The following CTNNA1 variants were observed in gnomAD, a reference collection of about 807,000 sequenced individuals.
CTNNA1 encodes catenin alpha-1.
Under a neutral mutation model 98.4 loss-of-function variants are expected in CTNNA1, and 37 were observed. The observed-to-expected ratio is 0.38, with a 90% CI of 0.29 to 0.49. The LOEUF (loss-of-function observed/expected upper bound fraction) is 0.49. Among genes scored for constraint, CTNNA1 ranks in the 20% least tolerant of loss-of-function variants. CTNNA1 has a pLI of 0.95. For missense variants in CTNNA1, 761 were observed against 1,147.2 expected, an observed-to-expected ratio of 0.66 and a Z score of 4.86; for synonymous variants, 404 against 413.2, an observed-to-expected ratio of 0.98 and a Z score of 0.27.
intron 7 of CTNNA1, among the ~76,000 whole-genome samples, chr5:138,868,190 A>C (rs1021405129): frequency 6.6e-6 from 1 of 152,252 alleles, no homozygotes; most frequent in Non-Finnish European, 1.5e-5. Context: ...CTGACCGTTT[A>C]TGTTATCAGT....
At chr5:138,763,407 A>G (rs1442151016) in intron 1 of CTNNA1, among the ~76,000 whole-genome samples, 1 of 152,174 alleles carries the variant, frequency 6.6e-6, no homozygotes, top group Non-Finnish European at 1.5e-5. Context: ...TCAATATTTC[A>G]ATATTAATCC....
intron 7 of CTNNA1, among the ~76,000 whole-genome samples, chr5:138,876,985 G>T (rs572020784): frequency 2.7e-4 from 41 of 152,216 alleles, no homozygotes; most frequent in Non-Finnish European, 5.6e-4. Flanking sequence ...CACAGGGCAG[G>T]TCTGACACCT....
At chr5:138,902,432 G>A (rs193204626) in intron 9 of CTNNA1, among the ~76,000 whole-genome samples, 1 of 152,032 alleles carries the variant, frequency 6.6e-6, no homozygotes, top group Non-Finnish European at 1.5e-5. Context: ...TTTTGTTTTT[G>A]TTTTTGAGAC....
At chr5:138,783,141 T>C (rs761744531) in intron 2 of CTNNA1, 36 bp from the exon 3 acceptor site, 1 of 1,487,098 alleles carries the variant, frequency 6.7e-7, no homozygotes, top group South Asian at 1.3e-5. Context: ...GTCATTTTAA[T>C]TGACTCCAGT....
chr5:138,841,139 T>G (rs1158262054), intron 7 of CTNNA1, among the ~76,000 whole-genome samples: 1 of 152,242 alleles, frequency 6.6e-6, no homozygotes, highest in African/African-American at 2.4e-5. Flanking sequence ...TTAGATGGGA[T>G]TATTTTATTC....
intron 5 of CTNNA1, among the ~76,000 whole-genome samples, chr5:138,822,300 A>G (rs1314725442): frequency 6.6e-6 from 1 of 152,192 alleles, no homozygotes; most frequent in Non-Finnish European, 1.5e-5. Context: ...GTCTTTGGAA[A>G]AGTAGAAGTT....
At chr5:138,917,971 C>A in intron 11 of CTNNA1, 73 bp downstream of exon 11, 1 of 1,415,142 alleles carries the variant, frequency 7.1e-7, no homozygotes, top group Non-Finnish European at 9.9e-7. Context: ...TATTAATGGG[C>A]AAACACTGCT....
chr5:138,891,563 C>T (rs898545284), intron 9 of CTNNA1, among the ~76,000 whole-genome samples: 1 of 152,140 alleles, frequency 6.6e-6, no homozygotes, highest in Non-Finnish European at 1.5e-5. Context: ...GAGTTCGAGA[C>T]CAGCCTGGCT....
At chr5:138,783,467 T>G (rs1005834641) in intron 3 of CTNNA1, 95 bp downstream of exon 3, 1 of 1,011,846 alleles carries the variant, frequency 9.9e-7, no homozygotes, top group South Asian at 1.7e-5. Context: ...CTCATTCTTA[T>G]GCTTGCCAAT....
At position 138,873,521 on chromosome 5, in the gene CTNNA1, C is replaced by T. The variant is rs1284785558; in HGVS notation, c.1063-12691C>T. On this transcript the variant is annotated intron_variant, in intron 7 of 17. Coordinates refer to ENST00000302763, the MANE Select transcript of CTNNA1 (RefSeq NM_001903.5). The surrounding 1 kb of genome is among the most constrained non-coding windows in gnomAD (Gnocchi z 6.1). ...ATGGACTGCATCTAGAATATCCTCT[C>T]CTTGGGTGTGGTCAGGACTGTGGCA... 1.2e-6 allele frequency: 2 copies of T among 1,613,982 alleles called. No individual in the cohort carries two copies. The highest frequency in any genetic ancestry group is 1.7e-5 in the Admixed American group (1 of 60,032).
At chr5:138,809,240 T>A (rs773877355) in intron 3 of CTNNA1, among the ~76,000 whole-genome samples, 1 of 152,184 alleles carries the variant, frequency 6.6e-6, no homozygotes, top group Non-Finnish European at 1.5e-5. Context: ...AGCTAGTTTT[T>A]AAAAAATTAT....
At chr5:138,844,408 A>G (rs924006355) in intron 7 of CTNNA1, among the ~76,000 whole-genome samples, 1 of 152,168 alleles carries the variant, frequency 6.6e-6, no homozygotes, top group African/African-American at 2.4e-5. Context: ...CTAGACTTTG[A>G]TTGAATTGAA....
At chr5:138,807,218 G>C (rs141655682) in intron 3 of CTNNA1, among the ~76,000 whole-genome samples, 3,736 of 152,036 alleles carry the variant, frequency 0.025, 66 homozygotes, top group Non-Finnish European at 0.034. Flanking sequence ...ATATTGGCCA[G>C]ATGGGTCTTG....
chr5:138,913,833 A>G (rs904172745), intron 10 of CTNNA1, among the ~76,000 whole-genome samples: 2 of 152,192 alleles, frequency 1.3e-5, no homozygotes, highest in African/African-American at 4.8e-5. Flanking sequence ...TTGGATGATT[A>G]AAGTAGCATG....
intron 7 of CTNNA1, among the ~76,000 whole-genome samples, chr5:138,867,307 G>A (rs1162783824): frequency 1.3e-5 from 2 of 152,192 alleles, no homozygotes. Context: ...GGAAAAGGGT[G>A]GCTTTGCCTA....
intron 3 of CTNNA1, among the ~76,000 whole-genome samples, chr5:138,802,889 G>A (rs982040538): frequency 2.0e-5 from 3 of 151,932 alleles, no homozygotes; most frequent in Admixed American, 6.6e-5. Context: ...CCTTGACCTC[G>A]TGTGCTTAAG....
chr5:138,927,478 C>T (rs75273745), intron 13 of CTNNA1, among the ~76,000 whole-genome samples: 2 of 151,322 alleles, frequency 1.3e-5, no homozygotes, highest in Non-Finnish European at 2.9e-5. Flanking sequence ...ACCCGCCCCC[C>T]CTTCCCCCTC....
intron 1 of CTNNA1, among the ~76,000 whole-genome samples, chr5:138,771,098 A>T (rs1354724587): frequency 6.6e-6 from 1 of 152,118 alleles, no homozygotes; most frequent in African/African-American, 2.4e-5. Flanking sequence ...CATTATTGCA[A>T]TGAAGGCTTC....
At chr5:138,865,102 G>A (rs1371322342) in intron 7 of CTNNA1, among the ~76,000 whole-genome samples, 5 of 152,160 alleles carry the variant, frequency 3.3e-5, no homozygotes, top group East Asian at 1.9e-4. Flanking sequence ...GTGAGCCACC[G>A]CTCCCGGCCG....
Sources: gnomAD v4.1 joint callset for allele counts (sites outside exome capture counted in the v4.1 genomes callset) on GRCh38, gnomAD v4.1.1 for gene constraint, Gnocchi (gnomAD v3.1) non-coding constraint, MANE v1.5 for transcripts, NCBI Gene and HGNC (gene_info 2026-07-23, HGNC 2026-07-21) for gene names.